CFAP61: variants seen among roughly 807,000 people sequenced by gnomAD.
The protein encoded by CFAP61 is cilia and flagella associated protein 61.
Under a neutral mutation model 135.6 loss-of-function variants are expected in CFAP61, and 107 were observed. The observed-to-expected ratio is 0.79, with a 90% CI of 0.67 to 0.93. CFAP61 has a LOEUF of 0.93. Ranked by LOEUF, CFAP61 falls within the 40% of genes least tolerant of loss-of-function variation. The pLI is 0.00. For synonymous variants in CFAP61, 575 were observed against 578.5 expected (o/e 0.99, Z 0.09); for missense variants, 1,507 against 1,556.2 (o/e 0.97, Z 0.53).
In CFAP61 at chr20:20,360,622, T is replaced by A; in HGVS notation, c.*212T>A. ...CGTGTGCCTCTCTTCTGGGGCAGGC[T>A]CGCTTTACAAATCCCAGGCATGTTC... On this transcript the variant is annotated 3_prime_UTR_variant, in exon 27 of 27. Transcript: ENST00000245957. The A allele has an allele frequency of 1.7e-6, 1 of 578,492 alleles. No homozygotes were observed. The highest frequency in any genetic ancestry group is 3.0e-6 in the Non-Finnish European group (1 of 328,052). The allele number at this position is 578,492 out of a possible 1,614,324, so 35.8% of individuals were successfully genotyped here.
In CFAP61 at chr20:20,164,137, G is replaced by A. The variant is rs999987341; in HGVS notation, c.1114G>A (p.Glu372Lys). 6.2e-7 allele frequency: 1 copy of A among 1,613,960 alleles called. No homozygotes were observed. Among genetic ancestry groups the A allele is most frequent in the Non-Finnish European group, 8.5e-7 (1 of 1,179,984 alleles). ...GAGCTTGGCATCGCTCGTACTGCCT[G>A]AAGAGCCCGTCCACTTCCGCCCCAT... ...SRSLASLVLP[E>K]EPVHFRPIYR... The change falls in exon 11 of 27, where the codon GAA (glutamate) becomes AAA (lysine). Residue 372 changes from glutamate to lysine, a missense_variant. By Grantham distance (56) the Glu-to-Lys change is moderately conservative. Coordinates refer to ENST00000245957, the MANE Select transcript of CFAP61 (RefSeq NM_015585.4).
At chr20:20,287,827 T>C (rs1203617197) in intron 22 of CFAP61, among the ~76,000 whole-genome samples, 1 of 152,248 alleles carries the variant, frequency 6.6e-6, no homozygotes, top group East Asian at 1.9e-4. Context: ...CTTGCACTGC[T>C]TCAGTGACTT....
At chr20:20,200,730 A>G in intron 17 of CFAP61, 2 of 985,430 alleles carry the variant, frequency 2.0e-6, no homozygotes, top group South Asian at 4.7e-5. Flanking sequence ...CACTTACCCA[A>G]GGAGCTGCCC....
chr20:20,315,714 A>G (rs1167466185), intron 25 of CFAP61, among the ~76,000 whole-genome samples: 2 of 152,176 alleles, frequency 1.3e-5, no homozygotes, highest in African/African-American at 2.4e-5. Context: ...TAATGTTTGT[A>G]TAAGGTGTAA....
intron 13 of CFAP61, among the ~76,000 whole-genome samples, chr20:20,181,139 G>A (rs903611448): frequency 1.3e-5 from 2 of 150,292 alleles, no homozygotes; most frequent in African/African-American, 4.9e-5. Context: ...ACCTTCACGC[G>A]TACCCCTGAA....
chr20:20,057,195 T>C (rs2044425217), intron 2 of CFAP61, among the ~76,000 whole-genome samples: 2 of 152,032 alleles, frequency 1.3e-5, no homozygotes, highest in Non-Finnish European at 2.9e-5. Context: ...TTTTTGTCTT[T>C]ATGGGGCTTA....
At chr20:20,247,619 C>G (rs2050564487) in intron 19 of CFAP61, among the ~76,000 whole-genome samples, 1 of 152,212 alleles carries the variant, frequency 6.6e-6, no homozygotes, top group Non-Finnish European at 1.5e-5. Flanking sequence ...CAGTGGCTAC[C>G]ACATTGGATA....
intron 6 of CFAP61, among the ~76,000 whole-genome samples, chr20:20,077,682 G>A (rs539167754): frequency 3.9e-5 from 6 of 152,326 alleles, no homozygotes; most frequent in South Asian, 4.1e-4. Flanking sequence ...TGGAAAGACA[G>A]GACAACTCAA....
chr20:20,322,200 A>G (rs1038463505), intron 25 of CFAP61, among the ~76,000 whole-genome samples: 10 of 152,076 alleles, frequency 6.6e-5, no homozygotes, highest in African/African-American at 2.4e-4. Context: ...GTTCCATCTG[A>G]TACCCCTGTC....
intron 14 of CFAP61, among the ~76,000 whole-genome samples, chr20:20,191,134 C>CAAT (rs1047933781): frequency 1.1e-3 from 171 of 151,666 alleles, no homozygotes; most frequent in African/African-American, 3.6e-3. Context: ...ATAATAATAA[C>CAAT]AATAATAATA....
Position 20,087,008 on chromosome 20 carries a change from C to T in CFAP61, c.567-3836C>T, listed in dbSNP as rs1427338921. Among the ~76,000 whole-genome samples the T allele has an allele frequency of 2.6e-5, 4 of 152,030 alleles. No individual in the cohort carries two copies. The East Asian group carries it at 5.8e-4, about 22-fold the overall frequency. On this transcript the variant is annotated intron_variant, in intron 6 of 26. Coordinates refer to ENST00000245957, the MANE Select transcript of CFAP61 (RefSeq NM_015585.4). Reference sequence around the variant, plus strand: ...GGAAGGAGGGAAGATGGTGAAGTCTCCTTCTAGAGACAATAAGTAAATCAA... The same window carrying T: ...GGAAGGAGGGAAGATGGTGAAGTCTTCTTCTAGAGACAATAAGTAAATCAA...
At chr20:20,065,908 A>T (rs2045222777) in intron 2 of CFAP61, among the ~76,000 whole-genome samples, 1 of 152,180 alleles carries the variant, frequency 6.6e-6, no homozygotes. Context: ...GTGTTGTTAA[A>T]TCAAGCAGAA....
intron 8 of CFAP61, among the ~76,000 whole-genome samples, chr20:20,111,048 C>T (rs964336124): frequency 6.6e-6 from 1 of 152,048 alleles, no homozygotes. Flanking sequence ...AGGTAATGAG[C>T]AGGATTAGAA....
intron 8 of CFAP61, among the ~76,000 whole-genome samples, chr20:20,123,336 A>T (rs1369632926): frequency 6.6e-6 from 1 of 151,516 alleles, no homozygotes; most frequent in Admixed American, 6.6e-5. Flanking sequence ...TGGTGATGAA[A>T]TCCTTGCCTA....
chr20:20,089,135 G>T (rs80206611), intron 6 of CFAP61, among the ~76,000 whole-genome samples: 7,118 of 152,204 alleles, frequency 0.047, 549 homozygotes, highest in African/African-American at 0.16. Context: ...TTCAAAAGAA[G>T]AGTCAAAATA....
intron 12 of CFAP61, 92 bp from the exon 13 acceptor site, chr20:20,169,229 G>A (rs772222446): frequency 1.6e-6 from 2 of 1,221,006 alleles, no homozygotes; most frequent in African/African-American, 1.5e-5. Flanking sequence ...AACACATTTT[G>A]CTTCTATTTT....
intron 25 of CFAP61, among the ~76,000 whole-genome samples, chr20:20,305,194 A>C (rs921337930): frequency 2.6e-5 from 4 of 152,188 alleles, no homozygotes; most frequent in Non-Finnish European, 5.9e-5. Flanking sequence ...CAGTGTTCTA[A>C]ATGGGATTTG....
At position 20,360,306 on chromosome 20, in the gene CFAP61, T is replaced by C; in HGVS notation, c.3610T>C (p.Phe1204Leu). Residue 1204 changes from phenylalanine (F) to leucine (L), a missense_variant, in exon 27 of 27, where the codon TTT becomes CTT. Coordinates refer to ENST00000245957, the MANE Select transcript of CFAP61 (RefSeq NM_015585.4). ...EKPRQYLKRVFEESIYKTLVE... is the reference protein window; with the variant it reads ...EKPRQYLKRVLEESIYKTLVE... ...GCCCAGGCAATACCTCAAAAGAGTT[T>C]TTGAGGAATCCATCTACAAAACCCT... is the stretch of plus-strand genomic sequence containing the variant. 1.1e-5 allele frequency: 17 copies of C among 1,613,824 alleles called. No individual in the cohort carries two copies. Among genetic ancestry groups the C allele is most frequent in the Non-Finnish European group, 1.4e-5 (17 of 1,179,980 alleles).
At chr20:20,360,139 C>T in intron 26 of CFAP61, 71 bp from the exon 27 acceptor site, 1 of 1,154,122 alleles carries the variant, frequency 8.7e-7, no homozygotes, top group Admixed American at 1.8e-5. Flanking sequence ...TTTTCATTCT[C>T]ATGAAACTGC....
Sources: gnomAD v4.1 joint callset for allele counts (sites outside exome capture counted in the v4.1 genomes callset) on GRCh38, gnomAD v4.1.1 for gene constraint, MANE v1.5 for transcripts, NCBI Gene and HGNC (gene_info 2026-07-23, HGNC 2026-07-21) for gene names.